Variants in PDE4D observed in about 807,000 individuals in gnomAD.
PDE4D encodes the protein 3',5'-cyclic-AMP phosphodiesterase 4D.
PDE4D carries 24 observed loss-of-function variants against 87.4 expected under a neutral mutation model. The ratio of observed to expected loss-of-function variants is 0.27; its 90% confidence interval spans 0.20 to 0.39. PDE4D has a LOEUF of 0.39. Ranked by LOEUF, PDE4D falls within the 10% of genes least tolerant of loss-of-function variation. PDE4D has a pLI of 1.00. For missense variants in PDE4D, 714 were observed against 1,041.0 expected, an observed-to-expected ratio of 0.69 and a Z score of 4.32; for synonymous variants, 384 against 383.2, an observed-to-expected ratio of 1.00 and a Z score of -0.02.
At chr5:59,190,144 G>A (rs1193552929) in intron 3 of PDE4D, among the ~76,000 whole-genome samples, 3 of 152,182 alleles carry the variant, frequency 2.0e-5, no homozygotes, top group Admixed American at 6.5e-5. Context: ...AAAGAAATGA[G>A]TTCTCAAGAA....
chr5:59,997,915 T>A (rs1395989487), intron 2 of PDE4D, among the ~76,000 whole-genome samples: 2 of 152,212 alleles, frequency 1.3e-5, no homozygotes, highest in African/African-American at 2.4e-5. Context: ...GGTTAGTTTG[T>A]CCATAGTGAC....
chr5:60,133,979 T>C (rs1246778493), intron 2 of PDE4D, among the ~76,000 whole-genome samples: 1 of 152,174 alleles, frequency 6.6e-6, no homozygotes, highest in African/African-American at 2.4e-5. Context: ...AGTTTGTGAC[T>C]TTGTTGCCAG....
At chr5:59,586,717 AGT>A (rs1825198762) in intron 1 of PDE4D, 1 of 985,340 alleles carries the variant, frequency 1.0e-6, no homozygotes, top group African/African-American at 1.7e-5. Flanking sequence ...AACCGCCTTG[AGT>A]GTAAATTAAT....
At chr5:60,380,485 T>A (rs760806156) in intron 1 of PDE4D, among the ~76,000 whole-genome samples, 2 of 152,360 alleles carry the variant, frequency 1.3e-5, no homozygotes, top group East Asian at 1.9e-4. Context: ...GGTTCTATAA[T>A]ACGCTCTTTT....
chr5:60,415,563 C>T (rs1742438726), intron 1 of PDE4D, among the ~76,000 whole-genome samples: 1 of 152,208 alleles, frequency 6.6e-6, no homozygotes, highest in South Asian at 2.1e-4. Context: ...GCAGGCCGGC[C>T]CCGCCACCCC....
intron 6 of PDE4D, 114 bp downstream of exon 6, chr5:59,038,745 G>A (rs977512686): frequency 1.0e-6 from 1 of 987,628 alleles, no homozygotes; most frequent in Non-Finnish European, 1.4e-6. Context: ...TAGCCAACAT[G>A]CAGTAAGCCT....
intron 1 of PDE4D, among the ~76,000 whole-genome samples, chr5:59,649,902 AACCTTTTTTTTTTTTT>A (rs1358378838): frequency 1.8e-4 from 8 of 43,794 alleles, no homozygotes; most frequent in Non-Finnish European, 3.3e-4. Flanking sequence ...ATAGTTTGTG[AACCTTTTTTTTTTTTT>A]TTTTTTTTTT....
At chr5:60,192,134 G>A (rs549760076) in intron 1 of PDE4D, among the ~76,000 whole-genome samples, 7 of 152,134 alleles carry the variant, frequency 4.6e-5, no homozygotes, top group Non-Finnish European at 1.0e-4. Flanking sequence ...CTACAAAAAT[G>A]AATGTTTTAA....
intron 1 of PDE4D, among the ~76,000 whole-genome samples, chr5:59,379,788 A>C (rs1336439938): frequency 6.6e-6 from 1 of 152,126 alleles, no homozygotes; most frequent in Admixed American, 6.6e-5. Flanking sequence ...CACAATCCAA[A>C]TATCTACAAG....
chr5:59,703,753 G>A lies in PDE4D; in HGVS notation c.455+189415C>T, dbSNP rs776807417. On this transcript the variant is annotated intron_variant, in intron 1 of 14. Transcript: ENST00000340635. ...GAGATTTGCTAGTGGTGTTCAGCAG[G>A]GCTCTGTCTGTCCTCTTCAATGTGT... 4 of 386,386 alleles carry A rather than the reference G, an allele frequency of 1.0e-5. No individual in the cohort carries two copies. The East Asian group carries it at 3.1e-4, about 30-fold the overall frequency. 23.9% of individuals were successfully genotyped at this position (386,386 alleles called of 1,614,324 possible).
chr5:59,301,079 T>C (rs1056585553), intron 1 of PDE4D, among the ~76,000 whole-genome samples: 1 of 152,096 alleles, frequency 6.6e-6, no homozygotes, highest in African/African-American at 2.4e-5. Context: ...TTCAGCTATG[T>C]GGAAGCTCAC....
At chr5:60,064,599 A>G (rs1771847024) in intron 2 of PDE4D, among the ~76,000 whole-genome samples, 1 of 152,156 alleles carries the variant, frequency 6.6e-6, no homozygotes, top group African/African-American at 2.4e-5. Context: ...TGTTCATTTG[A>G]CTGACACTAT....
At chr5:59,656,110 A>G (rs947724740) in intron 1 of PDE4D, among the ~76,000 whole-genome samples, 1 of 152,064 alleles carries the variant, frequency 6.6e-6, no homozygotes, top group Non-Finnish European at 1.5e-5. Flanking sequence ...ACAGACACAG[A>G]TGTACATTCC....
At chr5:59,601,219 G>A (rs932172584) in intron 1 of PDE4D, among the ~76,000 whole-genome samples, 2 of 152,118 alleles carry the variant, frequency 1.3e-5, no homozygotes, top group Non-Finnish European at 2.9e-5. Context: ...CAGATGGAAT[G>A]TACTGAAAGC....
chr5:59,695,671 A>G (rs546058510), intron 1 of PDE4D, among the ~76,000 whole-genome samples: 61 of 152,280 alleles, frequency 4.0e-4, no homozygotes, highest in African/African-American at 1.4e-3. Context: ...GTACAAACAC[A>G]GTTCGCTGCA....
At chr5:59,768,728 C>G (rs1426802273) in intron 1 of PDE4D, 1 of 1,162,258 alleles carries the variant, frequency 8.6e-7, no homozygotes, top group South Asian at 1.7e-5. Flanking sequence ...TCTCCCAAGC[C>G]CCTGCCAAAG....
chr5:60,159,833 T>C (rs1479492982), intron 2 of PDE4D, among the ~76,000 whole-genome samples: 2 of 152,244 alleles, frequency 1.3e-5, no homozygotes, highest in East Asian at 1.9e-4. Context: ...GAGAATTTGT[T>C]CATGATGTTG....
intron 1 of PDE4D, among the ~76,000 whole-genome samples, chr5:59,614,988 C>T (rs932377974): frequency 6.6e-6 from 1 of 152,000 alleles, no homozygotes; most frequent in African/African-American, 2.4e-5. Flanking sequence ...CACTACCACA[C>T]CCAGCTAATT....
chr5:60,117,093 T>A (rs1264743492), intron 2 of PDE4D, among the ~76,000 whole-genome samples: 1 of 152,106 alleles, frequency 6.6e-6, no homozygotes, highest in African/African-American at 2.4e-5. Flanking sequence ...ACATAAGTAA[T>A]TTTAAATAAT....
Sources: gnomAD v4.1 joint callset for allele counts (sites outside exome capture counted in the v4.1 genomes callset) on GRCh38, gnomAD v4.1.1 for gene constraint, MANE v1.5 for transcripts, NCBI Gene and HGNC (gene_info 2026-07-23, HGNC 2026-07-21) for gene names.